Variants in CAPN9 observed in about 807,000 individuals in gnomAD.
CAPN9 encodes the protein calpain 9.
Under a neutral mutation model 92.8 loss-of-function variants are expected in CAPN9, and 81 were observed. The observed-to-expected ratio is 0.87, with a 90% CI of 0.73 to 1.05. The LOEUF is 1.05. CAPN9 is among the 50% of genes least tolerant of loss of function. CAPN9 has a pLI of 0.00. For synonymous variants in CAPN9, 304 were observed against 328.0 expected (o/e 0.93, Z 0.79); for missense variants, 848 against 866.2 (o/e 0.98, Z 0.26).
rs1668647649 is a variant in CAPN9, at chr1:230,800,307, G to GAAAGA, written c.2047-1260_2047-1259insGAAAA. Among the ~76,000 whole-genome samples, 5 of 50,700 alleles carry GAAAGA rather than the reference G, an allele frequency of 9.9e-5. 1 individual carries two copies. Among genetic ancestry groups the GAAAGA allele is most frequent in the Admixed American group, 1.9e-4 (1 of 5,312 alleles). 33.3% of individuals were successfully genotyped at this position (50,700 alleles called of 152,430 possible). A position where few individuals can be genotyped will look rare whatever the true frequency, so the allele number is the denominator to read the frequency against. ...GAAAGAAAGAAAGAAAGAAAGAAAG[G>GAAAGA]AAAAACAAGAGAGACCCCTAGGTCC... On this transcript the variant is annotated intron_variant, in intron 19 of 19. Coordinates refer to ENST00000271971, the MANE Select transcript of CAPN9 (RefSeq NM_006615.3).
At chr1:230,771,571 A>T (rs1284933406) in intron 6 of CAPN9, among the ~76,000 whole-genome samples, 2 of 152,236 alleles carry the variant, frequency 1.3e-5, no homozygotes, top group Non-Finnish European at 2.9e-5. Flanking sequence ...GGATGCTAGG[A>T]TGAAGAAAGT....
chr1:230,747,393 A>C lies in CAPN9; in HGVS notation c.-104A>C. 1 of 979,586 alleles carries C rather than the reference A, an allele frequency of 1.0e-6. No individual in the cohort carries two copies. Among genetic ancestry groups the C allele is most frequent in the Non-Finnish European group, 1.6e-6 (1 of 612,636 alleles). The allele number at this position is 979,586 out of a possible 1,614,324, so 60.7% of individuals were successfully genotyped here. A position where few individuals can be genotyped will look rare whatever the true frequency, so the allele number is the denominator to read the frequency against. ...GGTGGAGGTGAGGGCCACTCAGCCC[A>C]GTGGCCCTCTGAGCTGTTCCTTCTT... On this transcript the variant is annotated 5_prime_UTR_variant, in exon 1 of 20. Coordinates refer to ENST00000271971, the MANE Select transcript of CAPN9 (RefSeq NM_006615.3).
At position 230,797,298 on chromosome 1, in the gene CAPN9, ACT is replaced by A. The variant is rs530975621; in HGVS notation, c.1988-861_1988-860del. 9.2e-5 allele frequency among the ~76,000 whole-genome samples: 14 copies of A among 152,138 alleles called. No homozygotes were observed. The South Asian group carries it at 2.5e-3, about 27-fold the overall frequency. ...AATAATTTAATAGCAGATCTCAGAA[ACT>A]CTGTCCATTCATCTGAGTATCTCCA... On this transcript the variant is annotated intron_variant, in intron 18 of 19. Coordinates refer to ENST00000271971, the MANE Select transcript of CAPN9 (RefSeq NM_006615.3).
chr1:230,773,447 G>A (rs1450368634), intron 7 of CAPN9, among the ~76,000 whole-genome samples: 1 of 152,134 alleles, frequency 6.6e-6, no homozygotes, highest in Non-Finnish European at 1.5e-5. Context: ...GGGAAAATGG[G>A]CCATTGTCTC....
Position 230,795,107 on chromosome 1 carries a change from A to T in CAPN9, c.1871-56A>T, listed in dbSNP as rs1381233194. 4 of 1,098,158 alleles carry T rather than the reference A, an allele frequency of 3.6e-6. No individual in the cohort carries two copies. The African/African-American group carries it at 6.2e-5, about 17-fold the overall frequency. The allele number at this position is 1,098,158 out of a possible 1,614,324, so 68.0% of individuals were successfully genotyped here. ...CCTGGGAGCTCCCTCAAAGGTGCAG[A>T]CTCACCTCGGGGCTCGGATACAGCG... On this transcript the variant is annotated intron_variant, in intron 17 of 19. Coordinates refer to ENST00000271971, the MANE Select transcript of CAPN9 (RefSeq NM_006615.3).
intron 17 of CAPN9, among the ~76,000 whole-genome samples, chr1:230,794,341 TGTG>T (rs1386612310): frequency 6.6e-6 from 1 of 151,816 alleles, no homozygotes; most frequent in Non-Finnish European, 1.5e-5. Flanking sequence ...ATTAACCAGT[TGTG>T]GTGGCAGGTG....
chr1:230,757,052 G>GGAAGGAAT (rs1423713663), intron 2 of CAPN9, among the ~76,000 whole-genome samples: 1 of 139,298 alleles, frequency 7.2e-6, no homozygotes, highest in African/African-American at 2.8e-5. Flanking sequence ...AAGGAAGGAA[G>GGAAGGAAT]GAAGGAAGGA....
intron 17 of CAPN9, 102 bp downstream of exon 17, chr1:230,793,030 G>A (rs1668116073): frequency 2.3e-6 from 2 of 880,032 alleles, no homozygotes; most frequent in East Asian, 2.4e-5. Context: ...CCAGGAGGTG[G>A]GCCTCTGAGC....
chr1:230,774,741 T>TTC, intron 8 of CAPN9, 110 bp downstream of exon 8: 3 of 133,598 alleles, frequency 2.2e-5, no homozygotes, highest in South Asian at 2.1e-4. Context: ...CTTTCTTTCT[T>TTC]TTTTTTTTTT....
chr1:230,780,437 A>G, intron 10 of CAPN9, 63 bp from the exon 11 acceptor site: 3 of 1,602,072 alleles, frequency 1.9e-6, no homozygotes, highest in Non-Finnish European at 1.7e-6. Context: ...GAGTCCATGA[A>G]TTGTGTCCGA....
chr1:230,766,036 G>A (rs1665964582), intron 4 of CAPN9, among the ~76,000 whole-genome samples: 1 of 152,066 alleles, frequency 6.6e-6, no homozygotes, highest in Admixed American at 6.6e-5. Context: ...GAGATGAGAG[G>A]GGAGCTTTAC....
intron 14 of CAPN9, 141 bp downstream of exon 14, chr1:230,790,330 A>G: frequency 2.9e-6 from 4 of 1,372,302 alleles, no homozygotes; most frequent in South Asian, 4.0e-5. Flanking sequence ...AATAGCTTTC[A>G]TTGTTTGTTT....
Position 230,780,269 on chromosome 1 carries a change from A to G in CAPN9, c.1205A>G (p.Gln402Arg), listed in dbSNP as rs542860265. 128 of 1,614,140 alleles carry G rather than the reference A, an allele frequency of 7.9e-5. 1 individual carries two copies. Among genetic ancestry groups the G allele is most frequent in the Middle Eastern group, 4.9e-4 (3 of 6,062 alleles). ...EECSFLVALM[Q>R]KDRRKLKRFG... ...TGTAGTTTCCTTGTAGCCCTGATGC[A>G]GAAAGATAGAAGGAAACTCAAGAGA... The change falls in exon 10 of 20, where the codon CAG becomes CGG. Residue 402 changes from glutamine (Q) to arginine (R), a missense_variant. Physicochemically the swap from Gln to Arg is conservative, Grantham distance 43. Coordinates refer to ENST00000271971, the MANE Select transcript of CAPN9 (RefSeq NM_006615.3).
intron 14 of CAPN9, among the ~76,000 whole-genome samples, chr1:230,791,130 G>A (rs1333941598): frequency 3.3e-5 from 5 of 151,934 alleles, no homozygotes; most frequent in African/African-American, 1.2e-4. Flanking sequence ...TCATCTATTG[G>A]TGGCCACGTG....
intron 16 of CAPN9, 114 bp from the exon 17 acceptor site, chr1:230,792,736 G>A (rs1668088199): frequency 1.1e-6 from 1 of 890,556 alleles, no homozygotes; most frequent in Non-Finnish European, 1.8e-6. Context: ...TCCAACTGTG[G>A]CCTCTGCGGC....
intron 12 of CAPN9, 105 bp from the exon 13 acceptor site, chr1:230,787,417 G>T: frequency 1.2e-6 from 1 of 865,668 alleles, no homozygotes; most frequent in South Asian, 1.5e-5. Flanking sequence ...CCTCAGGAGG[G>T]TGACATGGGG....
At chr1:230,790,010 C>T in intron 13 of CAPN9, 122 bp from the exon 14 acceptor site, 2 of 705,396 alleles carry the variant, frequency 2.8e-6, no homozygotes, top group Non-Finnish European at 4.9e-6. Flanking sequence ...CTGCCCACAG[C>T]AGGGTCCTGA....
intron 3 of CAPN9, among the ~76,000 whole-genome samples, chr1:230,760,475 G>A (rs374592847): frequency 3.9e-5 from 6 of 152,152 alleles, no homozygotes; most frequent in Non-Finnish European, 7.3e-5. Context: ...GGGCCAGCCC[G>A]TTTCTTCTGT....
chr1:230,792,097 G>C (rs373173506), intron 15 of CAPN9, among the ~76,000 whole-genome samples, 169 bp downstream of exon 15: 3 of 151,828 alleles, frequency 2.0e-5, no homozygotes, highest in South Asian at 2.1e-4. Flanking sequence ...GCTGAAATTG[G>C]ATCAGAATCA....
Sources: allele counts gnomAD v4.1 joint callset (sites outside exome capture counted in the v4.1 genomes callset), GRCh38; gene constraint gnomAD v4.1.1; transcripts MANE v1.5; gene names NCBI Gene and HGNC (gene_info 2026-07-23, HGNC 2026-07-21).